The following METTL25B variants were observed in gnomAD, a reference collection of about 807,000 sequenced individuals.
The protein encoded by METTL25B is methyltransferase like 25B, also known as methyltransferase-like protein 25B.
Under a neutral mutation model 48.4 loss-of-function variants are expected in METTL25B, and 38 were observed. That is an observed-to-expected ratio of 0.78 (90% confidence interval 0.61 to 1.03). METTL25B has a LOEUF of 1.03. METTL25B is among the 50% of genes least tolerant of loss of function. METTL25B has a pLI of 0.00. For synonymous variants in METTL25B, 230 were observed against 254.5 expected (o/e 0.90, Z 0.92); for missense variants, 537 against 603.7 (o/e 0.89, Z 1.16).
rs753120178 is a variant in METTL25B at position 156,729,070 on chromosome 1, G to T, written c.-35G>T. The T allele has an allele frequency of 7.5e-7, 1 of 1,334,868 alleles. No individual in the cohort carries two copies. Among genetic ancestry groups the T allele is most frequent in the African/African-American group, 1.5e-5 (1 of 68,678 alleles). The allele number at this position is 1,334,868 out of a possible 1,614,324, so 82.7% of individuals were successfully genotyped here. A position where few individuals can be genotyped will look rare whatever the true frequency, so the allele number is the denominator to read the frequency against. On this transcript the variant is annotated 5_prime_UTR_variant, in exon 1 of 8. Coordinates refer to ENST00000368216, the MANE Select transcript of METTL25B (RefSeq NM_015997.4). ...CTGACCCTGGATCCCTGTTCACTGCGTTCTCGCTCCCCGCGCTCCCTGCTG... is the reference window on the plus strand; with the variant it reads ...CTGACCCTGGATCCCTGTTCACTGCTTTCTCGCTCCCCGCGCTCCCTGCTG...
rs774954493 is a variant in METTL25B, at chr1:156,729,055, A to T, written c.-50A>T. On this transcript the variant is annotated 5_prime_UTR_variant, in exon 1 of 8. Transcript: ENST00000368216. ...TGGACCCGCGTAGTACTGACCCTGG[A>T]TCCCTGTTCACTGCGTTCTCGCTCC... 12 of 1,096,248 alleles carry T rather than the reference A, an allele frequency of 1.1e-5. No homozygotes were observed. Among genetic ancestry groups the T allele is most frequent in the Non-Finnish European group, 5.4e-6 (4 of 734,986 alleles). 67.9% of individuals were successfully genotyped at this position (1,096,248 alleles called of 1,614,324 possible). A position where few individuals can be genotyped will look rare whatever the true frequency, so the allele number is the denominator to read the frequency against.
Position 156,729,187 on chromosome 1 carries a change from AC to A in METTL25B, c.85del (p.Arg29ValfsTer31), listed in dbSNP as rs1553246500. The A allele has an allele frequency of 1.2e-6, 2 of 1,606,366 alleles. No individual in the cohort carries two copies. The highest frequency in any genetic ancestry group is 1.7e-6 in the Non-Finnish European group (2 of 1,177,130). ...AVNLTRVLAL[Y>X]RSILDAYIIE... is the part of the protein sequence containing the mutation. ...AACCTCACCCGTGTCCTGGCACTCT[AC>A]CGTTCCATCTTGGATGCCTACATCA... On this transcript the variant is annotated frameshift_variant, in exon 1 of 8. Transcript: ENST00000368216. LOFTEE classifies it high-confidence loss of function.
At chr1:156,730,868 G>A (rs1008607717) in intron 1 of METTL25B, among the ~76,000 whole-genome samples, 3 of 152,218 alleles carry the variant, frequency 2.0e-5, no homozygotes, top group Admixed American at 1.3e-4. Context: ...GTTGTTTAAA[G>A]GATCAAATGC....
In METTL25B at chr1:156,732,108, G is replaced by A. The variant is rs1359923812; in HGVS notation, c.229G>A (p.Val77Ile). The A allele has an allele frequency of 1.9e-6, 3 of 1,614,210 alleles. No homozygotes were observed. The highest frequency in any genetic ancestry group is 1.7e-6 in the Non-Finnish European group (2 of 1,180,038). Residue 77 changes from valine to isoleucine, a missense_variant, in exon 2 of 8, where the codon GTC (valine) becomes ATC (isoleucine). Val to Ile is a conservative substitution (Grantham distance 29, BLOSUM62 3). Transcript: ENST00000368216. The part of the protein sequence containing the change: ...MLLGMPGEGE[V>I]VRYRSVWPLT... ...GCTGGGGATGCCTGGGGAAGGGGAG[G>A]TCGTCAGGTATGGGCTAGAAGGTCC...
chr1:156,732,840 C>CT, intron 3 of METTL25B, 145 bp from the exon 4 acceptor site: 1 of 709,738 alleles, frequency 1.4e-6, no homozygotes, highest in African/African-American at 1.8e-5. Flanking sequence ...ACCCTTATAT[C>CT]TTTCTTTCCA....
rs1392479704 is a variant in METTL25B at position 156,732,116 on chromosome 1, G to T, written c.236+1G>T. ...TGCCTGGGGAAGGGGAGGTCGTCAG[G>T]TATGGGCTAGAAGGTCCCTGTGCTG... is the stretch of plus-strand genomic sequence containing the variant. On this transcript the variant is annotated splice_donor_variant, in intron 2 of 7. Transcript: ENST00000368216. LOFTEE classifies it high-confidence loss of function. 3 of 1,614,192 alleles carry T rather than the reference G, an allele frequency of 1.9e-6. No individual in the cohort carries two copies. The highest frequency in any genetic ancestry group is 3.3e-5 in the Admixed American group (2 of 60,030).
chr1:156,732,593 A>C (rs1229726980), intron 3 of METTL25B, 120 bp downstream of exon 3: 1 of 862,114 alleles, frequency 1.2e-6, no homozygotes, highest in Admixed American at 2.8e-5. Context: ...ACATTCCTTT[A>C]CCTCAACAGA....
At position 156,728,627 on chromosome 1, in the gene METTL25B, T is replaced by TGGGGG; in HGVS notation, c.-477_-473dup. 3.9e-6 allele frequency: 1 copy of TGGGGG among 258,626 alleles called. No individual in the cohort carries two copies. Among genetic ancestry groups the TGGGGG allele is most frequent in the Non-Finnish European group, 5.2e-6 (1 of 193,968 alleles). The allele number at this position is 258,626 out of a possible 1,614,324, so 16.0% of individuals were successfully genotyped here. A position where few individuals can be genotyped will look rare whatever the true frequency, so the allele number is the denominator to read the frequency against. On this transcript the variant is annotated 5_prime_UTR_variant, in exon 1 of 8. Transcript: ENST00000368216. Reference sequence around the variant, plus strand: ...GCGGCGGAGGAGGGGGCGGCGTGGGTGGGGGCGGGGGCGGGATGCGCTCCC... The same window carrying TGGGGG: ...GCGGCGGAGGAGGGGGCGGCGTGGGTGGGGGGGGGGCGGGGGCGGGATGCGCTCCC...
intron 1 of METTL25B, 169 bp downstream of exon 1, chr1:156,729,384 C>A: frequency 4.1e-6 from 2 of 486,004 alleles, no homozygotes; most frequent in Non-Finnish European, 3.6e-6. Flanking sequence ...CCTTTTTTTT[C>A]AGCTGACATA....
chr1:156,730,067 C>A (rs1649137950), intron 1 of METTL25B, among the ~76,000 whole-genome samples: 1 of 152,232 alleles, frequency 6.6e-6, no homozygotes, highest in South Asian at 2.1e-4. Flanking sequence ...TTCTGAACTA[C>A]TTCCTAACCG....
intron 5 of METTL25B, 142 bp from the exon 6 acceptor site, chr1:156,733,867 C>T (rs567766764): frequency 2.6e-6 from 3 of 1,147,528 alleles, no homozygotes; most frequent in Non-Finnish European, 3.7e-6. Flanking sequence ...GACTTGTGGT[C>T]CAGCCCCTCC....
intron 6 of METTL25B, 40 bp downstream of exon 6, chr1:156,734,533 TTTC>T: frequency 1.4e-6 from 2 of 1,474,944 alleles, no homozygotes; most frequent in Non-Finnish European, 9.0e-7. Flanking sequence ...GGAGAGGAGA[TTTC>T]TTTTTTTTTT....
chr1:156,736,006 T>A, intron 7 of METTL25B, 97 bp downstream of exon 7: 1 of 1,089,156 alleles, frequency 9.2e-7, no homozygotes, highest in Non-Finnish European at 1.3e-6. Context: ...TGGGCCTAGC[T>A]AATCACTGTT....
chr1:156,733,338 C>T (rs1649449886), intron 4 of METTL25B, 39 bp from the exon 5 acceptor site: 4 of 1,611,550 alleles, frequency 2.5e-6, no homozygotes, highest in Non-Finnish European at 2.5e-6. Context: ...GTGGATAGGG[C>T]ACTGAACAGG....
At position 156,728,659 on chromosome 1, in the gene METTL25B, C is replaced by G; in HGVS notation, c.-446C>G. The G allele has an allele frequency of 1.0e-6, 1 of 986,886 alleles. No homozygotes were observed. Among genetic ancestry groups the G allele is most frequent in the Non-Finnish European group, 1.2e-6 (1 of 830,534 alleles). 61.1% of individuals were successfully genotyped at this position (986,886 alleles called of 1,614,324 possible). On this transcript the variant is annotated 5_prime_UTR_variant, in exon 1 of 8. Transcript: ENST00000368216. ...GGGGGCGGGATGCGCTCCCCGGCCC[C>G]TCTAGCCCCGTGGTGGTACAACGCG...
chr1:156,733,538 G>T lies in METTL25B; in HGVS notation c.636+18G>T. ...ACCCGCAGGTAGGCCAACCCTTCCT[G>T]CGACCTGGACTGCAGGAGCAGGGGC... On this transcript the variant is annotated intron_variant, in intron 5 of 7. Coordinates refer to ENST00000368216, the MANE Select transcript of METTL25B (RefSeq NM_015997.4). 1 of 1,612,582 alleles carries T rather than the reference G, an allele frequency of 6.2e-7. No homozygotes were observed. The highest frequency in any genetic ancestry group is 8.5e-7 in the Non-Finnish European group (1 of 1,179,692).
In METTL25B at chr1:156,728,527, GGC is replaced by G. The variant is rs1648926822; in HGVS notation, c.-571_-570del. 2.0e-6 allele frequency: 2 copies of G among 985,460 alleles called. No individual in the cohort carries two copies. The highest frequency in any genetic ancestry group is 4.7e-5 in the South Asian group (1 of 21,456). 61.0% of individuals were successfully genotyped at this position (985,460 alleles called of 1,614,324 possible). A position where few individuals can be genotyped will look rare whatever the true frequency, so the allele number is the denominator to read the frequency against. On this transcript the variant is annotated 5_prime_UTR_variant, in exon 1 of 8. Transcript: ENST00000368216. ...CGCGGGTTAGAACGCGCCAGAGGTC[GGC>G]GCGCGCACACCCGCACCGCCCCGAC...
rs753063454 is a variant in METTL25B at position 156,734,393 on chromosome 1, T to C, written c.1021T>C (p.Tyr341His). Residue 341 changes from tyrosine (Y) to histidine (H), a missense_variant, in exon 6 of 8, where the codon TAC (tyrosine) becomes CAC (histidine). Tyr to His is a moderately conservative substitution (Grantham distance 83). Coordinates refer to ENST00000368216, the MANE Select transcript of METTL25B (RefSeq NM_015997.4). ...KAGPGLRTHC[Y>H]RAALETVIRR... ...TGGCCCTGGCCTTCGAACTCACTGC[T>C]ACCGTGCAGCACTGGAGACAGTCAT... is the stretch of plus-strand genomic sequence containing the variant. 1 of 1,613,532 alleles carries C rather than the reference T, an allele frequency of 6.2e-7. No homozygotes were observed. The highest frequency in any genetic ancestry group is 8.5e-7 in the Non-Finnish European group (1 of 1,179,754).
At chr1:156,732,249 A>G in intron 2 of METTL25B, 32 bp from the exon 3 acceptor site, 1 of 1,612,390 alleles carries the variant, frequency 6.2e-7, no homozygotes, top group Non-Finnish European at 8.5e-7. Context: ...TGATGGGACT[A>G]TTCACTGGAG....
Sources: gnomAD v4.1 joint callset for allele counts (sites outside exome capture counted in the v4.1 genomes callset) on GRCh38, gnomAD v4.1.1 for gene constraint, MANE v1.5 for transcripts, NCBI Gene and HGNC (gene_info 2026-07-23, HGNC 2026-07-21) for gene names.